Variants in PPM1E observed in about 807,000 individuals in gnomAD.
PPM1E encodes protein phosphatase 1E.
A neutral mutation model predicts 65.9 loss-of-function variants in PPM1E; 20 were observed. The observed-to-expected ratio is 0.30, with a 90% CI of 0.21 to 0.44. The LOEUF is 0.44. PPM1E is among the 20% of genes least tolerant of loss of function. PPM1E has a pLI of 1.00. For missense variants in PPM1E, 713 were observed against 953.1 expected (o/e 0.75, Z 3.32); for synonymous variants, 352 against 374.9 (o/e 0.94, Z 0.70).
intron 1 of PPM1E, among the ~76,000 whole-genome samples, chr17:58,819,337 C>T (rs563821214): frequency 2.0e-5 from 3 of 152,220 alleles, no homozygotes; most frequent in East Asian, 1.9e-4. Flanking sequence ...TTAGTAGACA[C>T]GGGGTTTCGC....
intron 1 of PPM1E, among the ~76,000 whole-genome samples, chr17:58,861,451 G>A (rs1249212986): frequency 6.6e-6 from 1 of 152,080 alleles, no homozygotes; most frequent in Non-Finnish European, 1.5e-5. Flanking sequence ...TCTTCTTGTT[G>A]GCTCTGGAGA....
chr17:58,957,023 G>A (rs995599919), intron 2 of PPM1E, among the ~76,000 whole-genome samples: 6 of 152,142 alleles, frequency 3.9e-5, no homozygotes, highest in African/African-American at 1.4e-4. Flanking sequence ...AGTCAAGTTG[G>A]ATAGAATTCT....
chr17:58,921,066 G>A (rs953165057), intron 1 of PPM1E, among the ~76,000 whole-genome samples: 4 of 152,176 alleles, frequency 2.6e-5, no homozygotes, highest in Non-Finnish European at 5.9e-5. Context: ...GATGAGAATT[G>A]ACAGTTGGAT....
chr17:58,909,788 TG>T (rs1239875074), intron 1 of PPM1E, among the ~76,000 whole-genome samples: 10 of 152,100 alleles, frequency 6.6e-5, no homozygotes, highest in Non-Finnish European at 1.5e-4. Context: ...ACAGGGTTTT[TG>T]TTTTTGTTTT....
intron 1 of PPM1E, among the ~76,000 whole-genome samples, chr17:58,820,876 A>ATT (rs1415059537): frequency 6.6e-6 from 1 of 152,134 alleles, no homozygotes; most frequent in African/African-American, 2.4e-5. Context: ...TTAGACAAAC[A>ATT]GATTGCTGTG....
chr17:58,839,775 G>T (rs1415324250), intron 1 of PPM1E, among the ~76,000 whole-genome samples: 2 of 152,162 alleles, frequency 1.3e-5, no homozygotes, highest in African/African-American at 2.4e-5. Flanking sequence ...AAGGGAGGAA[G>T]CTAGAATGAC....
chr17:58,765,215 G>A (rs1019545888), intron 1 of PPM1E, among the ~76,000 whole-genome samples: 3 of 134,502 alleles, frequency 2.2e-5, no homozygotes, highest in African/African-American at 5.7e-5. Flanking sequence ...GTCTCGCTCT[G>A]TCACCAAGCT....
intron 1 of PPM1E, among the ~76,000 whole-genome samples, chr17:58,909,924 C>CTTTTTTTTTTTTTTTTTTTTTTTTTTTTT (rs35833275): frequency 2.3e-4 from 21 of 90,034 alleles, no homozygotes; most frequent in South Asian, 4.1e-4. Context: ...TTTTCTTTTT[C>CTTTTTTTTTTTTTTTTTTTTTTTTTTTTT]TTTTTTTTTT....
At chr17:58,795,651 C>T (rs1482079815) in intron 1 of PPM1E, among the ~76,000 whole-genome samples, 1 of 152,220 alleles carries the variant, frequency 6.6e-6, no homozygotes, top group African/African-American at 2.4e-5. Flanking sequence ...TTGCAGTGAA[C>T]TATGTTTGTG....
intron 1 of PPM1E, among the ~76,000 whole-genome samples, chr17:58,917,071 G>A (rs1032196058): frequency 5.3e-5 from 8 of 151,938 alleles, no homozygotes; most frequent in African/African-American, 1.7e-4. Flanking sequence ...TTATCCGGGC[G>A]TGGTTGTTCA....
At chr17:58,799,405 C>G (rs1032261013) in intron 1 of PPM1E, among the ~76,000 whole-genome samples, 24 of 151,360 alleles carry the variant, frequency 1.6e-4, no homozygotes, top group Non-Finnish European at 3.2e-4. Flanking sequence ...TCGGTCCCCC[C>G]TGAGCAGCTG....
chr17:58,929,092 G>A (rs1357167081), intron 1 of PPM1E, among the ~76,000 whole-genome samples: 5 of 152,030 alleles, frequency 3.3e-5, no homozygotes, highest in African/African-American at 1.2e-4. Flanking sequence ...TAAATAAACT[G>A]CAGTATGTTA....
intron 1 of PPM1E, among the ~76,000 whole-genome samples, chr17:58,876,479 T>C (rs1598623623): frequency 6.6e-6 from 1 of 152,216 alleles, no homozygotes; most frequent in East Asian, 1.9e-4. Flanking sequence ...ATTTGAAATC[T>C]GTTATAATGA....
intron 4 of PPM1E, 62 bp downstream of exon 4, chr17:58,969,789 G>A: frequency 1.4e-6 from 2 of 1,473,748 alleles, no homozygotes; most frequent in African/African-American, 2.8e-5. Context: ...TTTGGTCTGT[G>A]TGGTTAAAGG....
chr17:58,966,253 G>A (rs1020970001), intron 3 of PPM1E: 12 of 366,756 alleles, frequency 3.3e-5, no homozygotes, highest in African/African-American at 1.1e-4. Flanking sequence ...GGTAGCTCAC[G>A]CCTGTAATCC....
At chr17:58,913,908 G>A (rs1224373785) in intron 1 of PPM1E, among the ~76,000 whole-genome samples, 1 of 152,322 alleles carries the variant, frequency 6.6e-6, no homozygotes, top group East Asian at 1.9e-4. Flanking sequence ...CTGAACCACA[G>A]TTCTAACCTC....
At chr17:58,821,430 A>G (rs1400057237) in intron 1 of PPM1E, among the ~76,000 whole-genome samples, 2 of 152,148 alleles carry the variant, frequency 1.3e-5, no homozygotes, top group African/African-American at 4.8e-5. Flanking sequence ...TTTTCTAATT[A>G]TCTGGAGAGG....
intron 1 of PPM1E, among the ~76,000 whole-genome samples, chr17:58,830,627 G>A (rs887606935): frequency 2.0e-5 from 3 of 151,876 alleles, no homozygotes; most frequent in Admixed American, 1.3e-4. Flanking sequence ...TATTGAGAAA[G>A]ATGATAGCAT....
At chr17:58,914,734 A>T (rs1025845887) in intron 1 of PPM1E, among the ~76,000 whole-genome samples, 2 of 152,184 alleles carry the variant, frequency 1.3e-5, no homozygotes, top group African/African-American at 4.8e-5. Flanking sequence ...GCAAATTTTG[A>T]TGTAGAGATA....
Sources: gnomAD v4.1 joint callset for allele counts (sites outside exome capture counted in the v4.1 genomes callset) on GRCh38, gnomAD v4.1.1 for gene constraint, MANE v1.5 for transcripts, NCBI Gene and HGNC (gene_info 2026-07-23, HGNC 2026-07-21) for gene names.